Variants in ZBTB7C observed in about 807,000 individuals in gnomAD.
The protein encoded by ZBTB7C is zinc finger and BTB domain-containing protein 7C.
ZBTB7C carries 8 observed loss-of-function variants against 25.7 expected under a neutral mutation model. The ratio of observed to expected loss-of-function variants is 0.31; its 90% CI spans 0.18 to 0.56. ZBTB7C has a LOEUF of 0.56. ZBTB7C is among the 20% of genes least tolerant of loss of function. The pLI is 0.91. For synonymous variants in ZBTB7C, 394 were observed against 369.0 expected (o/e 1.07, Z -0.78); for missense variants, 824 against 855.2 (o/e 0.96, Z 0.46).
rs1300575716 is a variant in ZBTB7C, at chr18:48,245,099, TATATAC to T, written c.-78-59110_-78-59105del. Among the ~76,000 whole-genome samples the T allele has an allele frequency of 5.5e-5, 8 of 145,324 alleles. 1 individual carries two copies. The highest frequency in any genetic ancestry group is 2.1e-4 in the African/African-American group (8 of 38,690). On this transcript the variant is annotated intron_variant, in intron 2 of 4. Transcript: ENST00000590800. ...AAAGTAGTGTGTGTGTGTGTATATATATATACACACACACACACACACACCATGGAA... is the reference window on the plus strand; with the variant it reads ...AAAGTAGTGTGTGTGTGTGTATATATACACACACACACACACACCATGGAA...
chr18:48,266,674 G>C (rs1300555829), intron 2 of ZBTB7C, among the ~76,000 whole-genome samples: 1 of 152,240 alleles, frequency 6.6e-6, no homozygotes, highest in Non-Finnish European at 1.5e-5. Flanking sequence ...TCCAGGCACA[G>C]GGGCAAGCTT....
intron 1 of ZBTB7C, chr18:48,374,271 A>G (rs932897611): frequency 2.0e-5 from 3 of 152,276 alleles, no homozygotes; most frequent in Non-Finnish European, 4.4e-5. Context: ...CGAACACACA[A>G]ATAGAGCCCA....
In ZBTB7C at chr18:48,139,624, C is replaced by G. The variant is rs2040279972; in HGVS notation, c.-17+46310G>C. On this transcript the variant is annotated intron_variant, in intron 3 of 4. Transcript: ENST00000590800. ...CAGTGAATGCCACTCCTCCCTCCCC[C>G]TAATCACTGTGTGTGTGTGCCCTGC... Among the ~76,000 whole-genome samples, 2 of 152,204 alleles carry G rather than the reference C, an allele frequency of 1.3e-5. 1 individual carries two copies. The highest frequency in any genetic ancestry group is 4.1e-4 in the South Asian group (2 of 4,830).
At chr18:48,084,527 G>A (rs543074248) in intron 3 of ZBTB7C, among the ~76,000 whole-genome samples, 1 of 152,294 alleles carries the variant, frequency 6.6e-6, no homozygotes, top group Admixed American at 6.5e-5. Context: ...CTTTTCTGGG[G>A]CATCCAGCAT....
intron 3 of ZBTB7C, among the ~76,000 whole-genome samples, chr18:48,128,634 T>C (rs747446322): frequency 2.0e-5 from 3 of 152,170 alleles, no homozygotes; most frequent in South Asian, 4.1e-4. Context: ...TGTTCTCACT[T>C]GTAACTGGGA....
At chr18:48,400,156 A>T (rs2048124650) in intron 1 of ZBTB7C, among the ~76,000 whole-genome samples, 1 of 152,186 alleles carries the variant, frequency 6.6e-6, no homozygotes. Flanking sequence ...ACTCATGGTG[A>T]TGGCTGAACA....
intron 3 of ZBTB7C, among the ~76,000 whole-genome samples, chr18:48,130,106 T>A (rs2039942341): frequency 6.6e-6 from 1 of 152,158 alleles, no homozygotes; most frequent in African/African-American, 2.4e-5. Context: ...CTACGTGCTG[T>A]GAATGCAGGC....
At chr18:48,160,938 T>TG (rs2040994439) in intron 3 of ZBTB7C, among the ~76,000 whole-genome samples, 3 of 141,608 alleles carry the variant, frequency 2.1e-5, no homozygotes, top group Admixed American at 1.4e-4. Flanking sequence ...GAGACAAGTT[T>TG]TTTTTTTTTT....
chr18:48,281,430 CA>C (rs2044845523), intron 2 of ZBTB7C, among the ~76,000 whole-genome samples: 1 of 152,126 alleles, frequency 6.6e-6, no homozygotes, highest in African/African-American at 2.4e-5. Context: ...ACACCAAAAG[CA>C]ATGGCAACAA....
chr18:48,412,200 C>G (rs368577072), upstream of ZBTB7C, among the ~76,000 whole-genome samples: 18 of 152,082 alleles, frequency 1.2e-4, no homozygotes, highest in African/African-American at 3.9e-4. Flanking sequence ...CACTGTAGAG[C>G]ACATTGTAAA....
chr18:48,325,845 T>C (rs1365205953), intron 2 of ZBTB7C, among the ~76,000 whole-genome samples: 1 of 152,184 alleles, frequency 6.6e-6, no homozygotes, highest in Admixed American at 6.5e-5. Context: ...GATCAGGGAC[T>C]GGAATCCATC....
intron 2 of ZBTB7C, among the ~76,000 whole-genome samples, chr18:48,279,671 C>A (rs1182196147): frequency 6.6e-6 from 1 of 152,232 alleles, no homozygotes; most frequent in African/African-American, 2.4e-5. Context: ...CACCCCCAGT[C>A]TTAAGCCTCA....
intron 2 of ZBTB7C, among the ~76,000 whole-genome samples, chr18:48,206,864 G>T (rs1883817739): frequency 6.6e-6 from 1 of 152,042 alleles, no homozygotes; most frequent in Non-Finnish European, 1.5e-5. Context: ...ATTGATAAAT[G>T]GAAATTTGTC....
intron 2 of ZBTB7C, among the ~76,000 whole-genome samples, chr18:48,255,833 T>C (rs1036533363): frequency 3.3e-5 from 5 of 152,156 alleles, no homozygotes; most frequent in Non-Finnish European, 7.4e-5. Context: ...CTTTTTCAGA[T>C]GAAAAATACA....
chr18:48,086,824 C>A (rs2038208277), intron 3 of ZBTB7C, among the ~76,000 whole-genome samples: 2 of 152,146 alleles, frequency 1.3e-5, no homozygotes, highest in African/African-American at 4.8e-5. Context: ...TGTATGTTTA[C>A]CATCTTATTT....
intron 3 of ZBTB7C, among the ~76,000 whole-genome samples, chr18:48,124,320 G>T (rs909010133): frequency 2.0e-5 from 3 of 152,344 alleles, no homozygotes; most frequent in African/African-American, 7.2e-5. Flanking sequence ...TGAGTAGCAG[G>T]TACCTTTCCT....
chr18:48,359,943 T>C (rs982457284), intron 1 of ZBTB7C, among the ~76,000 whole-genome samples: 1 of 152,212 alleles, frequency 6.6e-6, no homozygotes, highest in Non-Finnish European at 1.5e-5. Flanking sequence ...GGTTTCCCTG[T>C]GTCTCAGAGC....
chr18:48,276,604 T>C (rs1205652563), intron 2 of ZBTB7C, among the ~76,000 whole-genome samples: 1 of 100,398 alleles, frequency 1.0e-5, no homozygotes, highest in Non-Finnish European at 2.0e-5. Context: ...TCCAATTTCA[T>C]CCATGTCCCT....
At chr18:48,273,047 G>A (rs1442918635) in intron 2 of ZBTB7C, among the ~76,000 whole-genome samples, 1 of 152,194 alleles carries the variant, frequency 6.6e-6, no homozygotes, top group Non-Finnish European at 1.5e-5. Context: ...TTCTCTTGGA[G>A]ATGACGAAAA....
Sources: gnomAD v4.1 joint callset for allele counts (sites outside exome capture counted in the v4.1 genomes callset) on GRCh38, gnomAD v4.1.1 for gene constraint, MANE v1.5 for transcripts, NCBI Gene and HGNC (gene_info 2026-07-23, HGNC 2026-07-21) for gene names.